MACROD2: variants seen among roughly 807,000 people sequenced by gnomAD.
The protein encoded by MACROD2 is ADP-ribose glycohydrolase MACROD2.
In MACROD2, 36 loss-of-function variants were observed where a neutral mutation model predicts 70.4. That is an observed-to-expected ratio of 0.51 (90% CI 0.39 to 0.68). MACROD2 has a LOEUF of 0.68. MACROD2 is among the 30% of genes least tolerant of loss of function. The pLI is 0.00. For synonymous variants in MACROD2, 172 were observed against 178.8 expected (o/e 0.96, Z 0.30); for missense variants, 496 against 538.4 (o/e 0.92, Z 0.78).
At chr20:15,209,266 C>T (rs2076740232) in intron 5 of MACROD2, among the ~76,000 whole-genome samples, 1 of 152,024 alleles carries the variant, frequency 6.6e-6, no homozygotes, top group African/African-American at 2.4e-5. Context: ...TATGGGCTGC[C>T]TTCTTCTGTT....
intron 8 of MACROD2, among the ~76,000 whole-genome samples, chr20:15,802,922 A>G (rs1057336447): frequency 1.2e-4 from 18 of 152,170 alleles, no homozygotes; most frequent in African/African-American, 4.3e-4. Context: ...CCCAGAGGAA[A>G]TGGATACTTT....
chr20:14,790,478 G>GTTCCGT (rs11087109), intron 5 of MACROD2, among the ~76,000 whole-genome samples: 33,275 of 151,780 alleles, frequency 0.22, 3,934 homozygotes, highest in East Asian at 0.35. Flanking sequence ...AATTGAAGTT[G>GTTCCGT]TTCCGTTTTA....
At chr20:15,818,734 G>A (rs1364843322) in intron 8 of MACROD2, among the ~76,000 whole-genome samples, 2 of 152,108 alleles carry the variant, frequency 1.3e-5, no homozygotes, top group Admixed American at 1.3e-4. Context: ...AAACTCCTCT[G>A]AAAAGACTGG....
chr20:15,933,118 T>G (rs1431032637), intron 10 of MACROD2, among the ~76,000 whole-genome samples, 158 bp from the exon 11 acceptor site: 1 of 152,208 alleles, frequency 6.6e-6, no homozygotes, highest in African/African-American at 2.4e-5. Flanking sequence ...ATGTAGGTAA[T>G]TTTTCTGTTT....
At chr20:14,004,048 A>G (rs2052776473) in intron 2 of MACROD2, among the ~76,000 whole-genome samples, 1 of 152,152 alleles carries the variant, frequency 6.6e-6, no homozygotes, top group East Asian at 1.9e-4. Context: ...CAGGACCAGA[A>G]GTGTTTGGGG....
At chr20:14,199,723 A>G (rs2081463200) in intron 3 of MACROD2, among the ~76,000 whole-genome samples, 1 of 152,194 alleles carries the variant, frequency 6.6e-6, no homozygotes, top group African/African-American at 2.4e-5. Flanking sequence ...ATAATTTTAC[A>G]GTAATAATTA....
chr20:15,150,474 G>A (rs1325398771), intron 5 of MACROD2, among the ~76,000 whole-genome samples: 1 of 152,016 alleles, frequency 6.6e-6, no homozygotes, highest in African/African-American at 2.4e-5. Flanking sequence ...TAAAATGGGG[G>A]AATTGTAAGG....
chr20:14,806,381 A>T (rs2122157433), intron 5 of MACROD2, among the ~76,000 whole-genome samples: 1 of 152,180 alleles, frequency 6.6e-6, no homozygotes, highest in South Asian at 2.1e-4. Context: ...AGCCAAGGGA[A>T]GTCTTGAGGG....
At chr20:15,556,819 C>T (rs542198155) in intron 8 of MACROD2, among the ~76,000 whole-genome samples, 224 of 152,284 alleles carry the variant, frequency 1.5e-3, no homozygotes, top group Non-Finnish European at 2.5e-3. Flanking sequence ...CTCTCTCTTT[C>T]TTGATTGATG....
chr20:15,067,546 C>T (rs2075587089), intron 5 of MACROD2, among the ~76,000 whole-genome samples: 2 of 151,946 alleles, frequency 1.3e-5, no homozygotes, highest in Admixed American at 6.6e-5. Context: ...GATGGGGTTT[C>T]ACCATGTTGT....
At chr20:14,240,024 T>C (rs529495535) in intron 3 of MACROD2, among the ~76,000 whole-genome samples, 1 of 152,100 alleles carries the variant, frequency 6.6e-6, no homozygotes, top group Non-Finnish European at 1.5e-5. Context: ...AAGTGGGCAA[T>C]GGACGTGAAT....
intron 8 of MACROD2, among the ~76,000 whole-genome samples, chr20:15,666,580 T>G (rs879497982): frequency 2.0e-5 from 3 of 152,254 alleles, no homozygotes; most frequent in Admixed American, 2.0e-4. Context: ...ACTGAATTTT[T>G]TAATGTATCA....
chr20:14,048,561 A>G (rs760833021), intron 2 of MACROD2, among the ~76,000 whole-genome samples: 1 of 152,206 alleles, frequency 6.6e-6, no homozygotes, highest in Non-Finnish European at 1.5e-5. Context: ...TTACGACCCT[A>G]AAGTTCTATG....
At position 15,320,065 on chromosome 20, in the gene MACROD2, G is replaced by A. The variant is rs557416890; in HGVS notation, c.540+90004G>A. Among the ~76,000 whole-genome samples the A allele has an allele frequency of 2.7e-4, 41 of 152,230 alleles. No homozygotes were observed. The South Asian group carries it at 7.9e-3, about 29-fold the overall frequency. On this transcript the variant is annotated intron_variant, in intron 6 of 17. Transcript: ENST00000684519. ...CTCTACTAAAAATAAATTGCTGAGCGTGGTGACTCATGCCTGTAATCCCAG... is the reference window on the plus strand; with the variant it reads ...CTCTACTAAAAATAAATTGCTGAGCATGGTGACTCATGCCTGTAATCCCAG...
At chr20:15,640,306 G>C (rs1461218096) in intron 8 of MACROD2, among the ~76,000 whole-genome samples, 1 of 152,106 alleles carries the variant, frequency 6.6e-6, no homozygotes, top group Non-Finnish European at 1.5e-5. Context: ...AGAGGATAGA[G>C]AGAGAAGTGG....
chr20:14,560,584 G>C (rs1310529894), intron 4 of MACROD2, among the ~76,000 whole-genome samples: 1 of 151,836 alleles, frequency 6.6e-6, no homozygotes, highest in Non-Finnish European at 1.5e-5. Flanking sequence ...TATTATTTTA[G>C]ATAGTAATGC....
At chr20:14,868,391 C>G (rs2073451329) in intron 5 of MACROD2, among the ~76,000 whole-genome samples, 1 of 151,846 alleles carries the variant, frequency 6.6e-6, no homozygotes, top group African/African-American at 2.4e-5. Flanking sequence ...ATCTCAAACT[C>G]TGGAGCTCAA....
chr20:14,438,227 C>T (rs897311864), intron 3 of MACROD2, among the ~76,000 whole-genome samples: 7 of 152,122 alleles, frequency 4.6e-5, no homozygotes, highest in African/African-American at 1.7e-4. Context: ...TCTATCCATG[C>T]TGTAGCAAAT....
rs138883127 is a variant in MACROD2 at position 14,855,862 on chromosome 20, A to T, written c.418+170903A>T. ...GTTGTAGGCATCTAAAATAACAAGT[A>T]ATCTCAACAGATAGTATATAGTTAA... On this transcript the variant is annotated intron_variant, in intron 5 of 17. Coordinates refer to ENST00000684519, the MANE Select transcript of MACROD2 (RefSeq NM_001351661.2). Among the ~76,000 whole-genome samples, 187 of 152,224 alleles carry T rather than the reference A, an allele frequency of 1.2e-3. 1 individual carries two copies. In the East Asian group the frequency reaches 0.033, roughly 27 times the overall value.
Sources: allele counts gnomAD v4.1 joint callset (sites outside exome capture counted in the v4.1 genomes callset), GRCh38; gene constraint gnomAD v4.1.1; transcripts MANE v1.5; gene names NCBI Gene and HGNC (gene_info 2026-07-23, HGNC 2026-07-21).